TKTL1: variants seen among roughly 807,000 people sequenced by gnomAD.
TKTL1 encodes the protein transketolase like 1.
TKTL1 carries 1 observed loss-of-function variant against 39.3 expected under a neutral mutation model. That is an observed-to-expected ratio of 0.03 (90% CI 0.01 to 0.12). The LOEUF (loss-of-function observed/expected upper bound fraction) is 0.12, where lower values mean the gene tolerates loss of function less well. Among genes scored for constraint, TKTL1 ranks in the 10% least tolerant of loss-of-function variants. The probability of loss-of-function intolerance (pLI) is 1.00; values close to 1 mark genes in which losing one functional copy is unlikely to be tolerated. For missense variants in TKTL1, 575 were observed against 509.6 expected (o/e 1.13, Z -1.24); for synonymous variants, 262 against 193.8 (o/e 1.35, Z -2.92).
chrX:154,319,362 A>G (rs1441509697), intron 7 of TKTL1, among the ~76,000 whole-genome samples: 1 of 112,165 alleles, frequency 8.9e-6, no homozygotes, highest in African/African-American at 3.2e-5. Context: ...GAGGTTCTGC[A>G]CTCCAGGATG....
At chrX:154,304,988 C>A in intron 1 of TKTL1, 1 of 1,022,897 alleles carries the variant, frequency 9.8e-7, no homozygotes. Context: ...CTGAAAGTTC[C>A]TCGGCATGTG....
intron 7 of TKTL1, among the ~76,000 whole-genome samples, chrX:154,319,986 C>G (rs73629167): frequency 0.026 from 2,950 of 112,271 alleles, 96 homozygotes; most frequent in African/African-American, 0.088. Context: ...CCAGAATGCA[C>G]ATCAGGGGAG....
chrX:154,296,012 A>C lies in TKTL1; in HGVS notation c.134+19A>C. On this transcript the variant is annotated intron_variant, in intron 1 of 12. Transcript: ENST00000369915. ...GCTCCGGGTAAGTTCTCCTCATTGA[A>C]GTCTGGGTCATGCAGGGCCACGGGC... is the stretch of plus-strand genomic sequence containing the variant. 1.7e-6 allele frequency: 2 copies of C among 1,208,175 alleles called. No homozygotes were observed. Among genetic ancestry groups the C allele is most frequent in the South Asian group, 1.8e-5 (1 of 56,479 alleles).
At chrX:154,307,854 CTT>C (rs2067327091) in intron 2 of TKTL1, among the ~76,000 whole-genome samples, 1 of 111,874 alleles carries the variant, frequency 8.9e-6, no homozygotes, top group South Asian at 3.7e-4. Flanking sequence ...TCAAAAGAGA[CTT>C]GAGTTGAGTG....
At chrX:154,325,086 C>T (rs1447131601) in intron 9 of TKTL1, among the ~76,000 whole-genome samples, 1 of 111,914 alleles carries the variant, frequency 8.9e-6, no homozygotes, top group African/African-American at 3.3e-5. Context: ...CTGCACAGAA[C>T]AAGTCAGTGA....
intron 5 of TKTL1, among the ~76,000 whole-genome samples, chrX:154,311,729 C>G (rs1286173598): frequency 9.0e-6 from 1 of 111,342 alleles, no homozygotes; most frequent in Non-Finnish European, 1.9e-5. Flanking sequence ...AAGAGTGCGG[C>G]TCCTGGATTT....
At chrX:154,314,095 A>C (rs936548103) in intron 6 of TKTL1, among the ~76,000 whole-genome samples, 4 of 111,454 alleles carry the variant, frequency 3.6e-5, no homozygotes, top group Admixed American at 2.9e-4. Context: ...CCCTAGAAAA[A>C]AATGGAGAAA....
chrX:154,311,067 G>T, intron 4 of TKTL1, 40 bp downstream of exon 4: 6 of 1,210,562 alleles, frequency 5.0e-6, no homozygotes, highest in Non-Finnish European at 6.7e-6. Flanking sequence ...ATTCTGTCCT[G>T]CCCCCTTCAT....
chrX:154,309,606 C>T (rs1181686653), intron 3 of TKTL1, among the ~76,000 whole-genome samples, 164 bp downstream of exon 3: 1 of 111,179 alleles, frequency 9.0e-6, no homozygotes, highest in African/African-American at 3.3e-5. Flanking sequence ...GTGCCTTTTC[C>T]CCACCTCGGG....
chrX:154,311,354 TC>T (rs1243467354), intron 5 of TKTL1, 116 bp downstream of exon 5: 19 of 1,014,399 alleles, frequency 1.9e-5, no homozygotes, highest in Non-Finnish European at 2.3e-5. Context: ...GAATAGCAGT[TC>T]TGCCTGGAGT....
intron 6 of TKTL1, among the ~76,000 whole-genome samples, chrX:154,314,971 A>G (rs1188224190): frequency 4.5e-5 from 5 of 111,828 alleles, no homozygotes; most frequent in Admixed American, 9.5e-5. Context: ...CTTGGGTGCC[A>G]CATCAGCCAT....
intron 10 of TKTL1, chrX:154,327,092 C>G: frequency 4.6e-6 from 1 of 219,470 alleles, no homozygotes; most frequent in Non-Finnish European, 8.6e-6. Flanking sequence ...AGTACGTTGT[C>G]GAGAGCGAGG....
At chrX:154,318,774 T>TA (rs781896621) in intron 7 of TKTL1, among the ~76,000 whole-genome samples, 2,468 of 102,613 alleles carry the variant, frequency 0.024, 40 homozygotes, top group African/African-American at 0.044. Context: ...GGTCTGTAAT[T>TA]AAAAAAAAAA....
At chrX:154,317,071 A>T (rs947483200) in intron 7 of TKTL1, among the ~76,000 whole-genome samples, 1 of 111,355 alleles carries the variant, frequency 9.0e-6, no homozygotes, top group Non-Finnish European at 1.9e-5. Context: ...AGCCTGGCTC[A>T]TTAAGCTGTT....
rs1557169152 is a variant in TKTL1 at position 154,315,308 on chromosome X, A to C, written c.1000A>C (p.Ile334Leu). The change falls in exon 7 of 13, where the codon ATC becomes CTC. Residue 334 changes from isoleucine (I) to leucine (L), a missense_variant. By Grantham distance (5) the Ile-to-Leu change is conservative. Transcript: ENST00000369915. ...CAACAAGGAGTACCCTGAGCGCTTC[A>C]TCGAGTGCTTTATGGCTGAACAAAA... ...IFNKEYPERF[I>L]ECFMAEQNMV... The C allele has an allele frequency of 3.3e-6, 4 of 1,211,346 alleles. No individual in the cohort carries two copies. Among genetic ancestry groups the C allele is most frequent in the East Asian group, 3.0e-5 (1 of 33,862 alleles).
rs782766601 is a variant in TKTL1, at chrX:154,312,610, A to G, written c.701A>G (p.Lys234Arg). The G allele has an allele frequency of 3.2e-5, 39 of 1,208,085 alleles. No homozygotes were observed. Among genetic ancestry groups the G allele is most frequent in the Non-Finnish European group, 3.9e-5 (35 of 894,363 alleles). The change falls in exon 6 of 13, where the codon AAG (lysine) becomes AGG (arginine). Residue 234 changes from lysine to arginine, a missense_variant. Transcript: ENST00000369915. ...GAGGATGCAGAAAGTTGGCATGCAA[A>G]GCCAATGCCGAGAGAAAGAGCAGAT... Reference protein sequence around the residue: ...SIEDAESWHAKPMPRERADAI... With the variant: ...SIEDAESWHARPMPRERADAI...
chrX:154,297,228 G>A (rs782258072), intron 1 of TKTL1, among the ~76,000 whole-genome samples: 36 of 109,469 alleles, frequency 3.3e-4, no homozygotes, highest in African/African-American at 1.2e-3. Flanking sequence ...CAGTATAAGG[G>A]ATATTGGTCT....
At chrX:154,298,380 C>T (rs1360514722) in intron 1 of TKTL1, among the ~76,000 whole-genome samples, 2 of 111,565 alleles carry the variant, frequency 1.8e-5, no homozygotes, top group Non-Finnish European at 3.8e-5. Flanking sequence ...CCATGCCCTG[C>T]CCATCTATTA....
intron 12 of TKTL1, among the ~76,000 whole-genome samples, chrX:154,328,592 AG>A (rs2067512477): frequency 1.1e-5 from 1 of 92,199 alleles, no homozygotes; most frequent in Non-Finnish European, 2.1e-5. Flanking sequence ...AAAAAAAAAA[AG>A]TGTGCCCCGA....
Sources: gnomAD v4.1 joint callset for allele counts (sites outside exome capture counted in the v4.1 genomes callset) on GRCh38, gnomAD v4.1.1 for gene constraint, MANE v1.5 for transcripts, NCBI Gene and HGNC (gene_info 2026-07-23, HGNC 2026-07-21) for gene names.